The following SLC9A9 variants were observed in gnomAD, a reference collection of about 807,000 sequenced individuals.
SLC9A9 encodes sodium/hydrogen exchanger 9.
A neutral mutation model predicts 77.8 loss-of-function variants in SLC9A9; 62 were observed. The ratio of observed to expected loss-of-function variants is 0.80; its 90% CI spans 0.65 to 0.98. The LOEUF is 0.98. Among genes scored for constraint, SLC9A9 ranks in the 50% least tolerant of loss-of-function variants. The probability of loss-of-function intolerance (pLI) is 0.00; values close to 1 mark genes in which losing one functional copy is unlikely to be tolerated. For synonymous variants in SLC9A9, 320 were observed against 283.5 expected, an observed-to-expected ratio of 1.13 and a Z score of -1.29; for missense variants, 775 against 774.9, an observed-to-expected ratio of 1.00 and a Z score of 0.00.
At chr3:143,374,862 G>A (rs1460887941) in intron 13 of SLC9A9, among the ~76,000 whole-genome samples, 1 of 152,052 alleles carries the variant, frequency 6.6e-6, no homozygotes, top group East Asian at 1.9e-4. Flanking sequence ...CTATCAAATA[G>A]TAGGTCTTAT....
intron 12 of SLC9A9, among the ~76,000 whole-genome samples, chr3:143,385,118 C>G (rs2033394167): frequency 6.6e-6 from 1 of 151,974 alleles, no homozygotes; most frequent in Non-Finnish European, 1.5e-5. Flanking sequence ...TTTTTATGAT[C>G]ACGTTAAATG....
chr3:143,537,357 A>G (rs533888210), intron 9 of SLC9A9, among the ~76,000 whole-genome samples: 4 of 152,308 alleles, frequency 2.6e-5, no homozygotes, highest in Admixed American at 6.5e-5. Context: ...GCTGGGTGGC[A>G]TGTGTTGTCA....
intron 5 of SLC9A9, among the ~76,000 whole-genome samples, chr3:143,655,939 T>C (rs2038880781): frequency 6.6e-6 from 1 of 152,158 alleles, no homozygotes; most frequent in African/African-American, 2.4e-5. Context: ...GGCTTTCTCT[T>C]AGACATCTAA....
At chr3:143,697,043 A>G (rs1933660926) in intron 4 of SLC9A9, among the ~76,000 whole-genome samples, 1 of 151,950 alleles carries the variant, frequency 6.6e-6, no homozygotes, top group East Asian at 1.9e-4. Context: ...ACAAGAATGA[A>G]AAATTCAAAG....
intron 5 of SLC9A9, among the ~76,000 whole-genome samples, chr3:143,660,777 C>A (rs1312537885): frequency 1.3e-5 from 2 of 152,164 alleles, no homozygotes; most frequent in Non-Finnish European, 2.9e-5. Context: ...GTCCTCTTAG[C>A]TATAGCACAG....
chr3:143,698,571 C>T (rs952888077), intron 4 of SLC9A9, among the ~76,000 whole-genome samples: 52 of 152,134 alleles, frequency 3.4e-4, no homozygotes, highest in African/African-American at 1.2e-3. Context: ...TATTAAAGCC[C>T]TACACTTAAA....
chr3:143,287,757 C>A (rs1938422529), intron 14 of SLC9A9, among the ~76,000 whole-genome samples: 1 of 152,162 alleles, frequency 6.6e-6, no homozygotes, highest in African/African-American at 2.4e-5. Flanking sequence ...CACCTACAGA[C>A]CTTCTCACTG....
chr3:143,381,927 C>A, intron 13 of SLC9A9, 133 bp downstream of exon 13: 1 of 1,014,364 alleles, frequency 9.9e-7, no homozygotes, highest in East Asian at 2.4e-5. Flanking sequence ...TTATTGTAAT[C>A]TCATTTGTTT....
chr3:143,748,955 G>A (rs57468639), intron 4 of SLC9A9, among the ~76,000 whole-genome samples: 12,061 of 151,092 alleles, frequency 0.08, 683 homozygotes, highest in African/African-American at 0.15. Context: ...CACCCGCCTC[G>A]GCCTCCCAAA....
At chr3:143,718,613 C>A (rs1454950404) in intron 4 of SLC9A9, among the ~76,000 whole-genome samples, 1 of 152,214 alleles carries the variant, frequency 6.6e-6, no homozygotes, top group Admixed American at 6.5e-5. Flanking sequence ...CCCCTTCCCA[C>A]GTAACAGCTG....
intron 12 of SLC9A9, among the ~76,000 whole-genome samples, chr3:143,421,791 A>G (rs1440743404): frequency 6.6e-6 from 1 of 152,200 alleles, no homozygotes; most frequent in Non-Finnish European, 1.5e-5. Context: ...CTATCAACAC[A>G]ATAAACAGGC....
At chr3:143,324,440 G>A (rs1033339552) in intron 14 of SLC9A9, among the ~76,000 whole-genome samples, 1 of 152,158 alleles carries the variant, frequency 6.6e-6, no homozygotes, top group African/African-American at 2.4e-5. Context: ...TTAATCTCTG[G>A]AAGCAGCGTG....
intron 2 of SLC9A9, among the ~76,000 whole-genome samples, chr3:143,817,519 A>C (rs1171315329): frequency 1.3e-5 from 2 of 152,202 alleles, no homozygotes; most frequent in African/African-American, 4.8e-5. Flanking sequence ...TGATATCTTT[A>C]AAAAATATTT....
intron 7 of SLC9A9, among the ~76,000 whole-genome samples, chr3:143,577,874 T>C (rs2037387755): frequency 6.6e-6 from 1 of 152,212 alleles, no homozygotes; most frequent in Admixed American, 6.5e-5. Flanking sequence ...TACTTGACAT[T>C]GGCCTTCTGG....
chr3:143,446,424 A>G (rs2034844453), intron 12 of SLC9A9, among the ~76,000 whole-genome samples: 1 of 152,102 alleles, frequency 6.6e-6, no homozygotes, highest in African/African-American at 2.4e-5. Flanking sequence ...GGGCTTGAGG[A>G]GAGAAAGTTG....
chr3:143,340,266 TAAAAC>T (rs1044427620), intron 14 of SLC9A9, among the ~76,000 whole-genome samples: 5 of 152,016 alleles, frequency 3.3e-5, no homozygotes, highest in African/African-American at 4.8e-5. Flanking sequence ...AATAAATAAA[TAAAAC>T]AGTAGGCAGA....
intron 4 of SLC9A9, among the ~76,000 whole-genome samples, chr3:143,704,504 T>C (rs6782663): frequency 0.53 from 80,987 of 151,770 alleles, 21,976 homozygotes; most frequent in Non-Finnish European, 0.57. Flanking sequence ...AAAAACGCAT[T>C]TGATACAGCT....
chr3:143,814,966 C>A lies in SLC9A9; in HGVS notation c.378+17053G>T, dbSNP rs548035552. On this transcript the variant is annotated intron_variant, in intron 2 of 15. Transcript: ENST00000316549. ...TTTCACAGGGCAGGCTGAGCAGTGG[C>A]TTTTTCAGGAATCTGATAAATGGCT... 2.0e-5 allele frequency among the ~76,000 whole-genome samples: 3 copies of A among 146,726 alleles called. No homozygotes were observed. The South Asian group carries it at 6.9e-4, about 34-fold the overall frequency.
intron 4 of SLC9A9, among the ~76,000 whole-genome samples, chr3:143,741,277 C>A (rs926291252): frequency 7.9e-5 from 12 of 151,950 alleles, no homozygotes; most frequent in African/African-American, 2.4e-5. Flanking sequence ...ACTCTCCCCC[C>A]AAAAAATCAC....
Sources: gnomAD v4.1 joint callset for allele counts (sites outside exome capture counted in the v4.1 genomes callset) on GRCh38, gnomAD v4.1.1 for gene constraint, MANE v1.5 for transcripts, NCBI Gene and HGNC (gene_info 2026-07-23, HGNC 2026-07-21) for gene names.